The following LDLRAD4 variants were observed in gnomAD, a reference collection of about 807,000 sequenced individuals.
LDLRAD4 encodes low-density lipoprotein receptor class A domain-containing protein 4.
Under a neutral mutation model 17.0 loss-of-function variants are expected in LDLRAD4, and 5 were observed. That is an observed-to-expected ratio of 0.29 (90% CI 0.15 to 0.62). The LOEUF (loss-of-function observed/expected upper bound fraction) is 0.62. Among genes scored for constraint, LDLRAD4 ranks in the 20% least tolerant of loss-of-function variants. The pLI is 0.84. For synonymous variants in LDLRAD4, 168 were observed against 171.8 expected (o/e 0.98, Z 0.17); for missense variants, 340 against 424.7 (o/e 0.80, Z 1.75).
At chr18:13,436,003 C>T (rs1439798653) in intron 2 of LDLRAD4, among the ~76,000 whole-genome samples, 1 of 152,208 alleles carries the variant, frequency 6.6e-6, no homozygotes, top group Non-Finnish European at 1.5e-5. Context: ...AGAATAATAT[C>T]TGCTCTAATT....
At chr18:13,643,802 G>A (rs1361720261) in intron 5 of LDLRAD4, among the ~76,000 whole-genome samples, 2 of 152,160 alleles carry the variant, frequency 1.3e-5, no homozygotes, top group African/African-American at 4.8e-5. Context: ...AAAAATATTG[G>A]TGTGAGAGAA....
chr18:13,511,908 A>G (rs1309975393), intron 3 of LDLRAD4, among the ~76,000 whole-genome samples: 2 of 152,234 alleles, frequency 1.3e-5, no homozygotes. Flanking sequence ...CAAGAAATGT[A>G]TTTTTAGCGT....
At chr18:13,368,976 T>C (rs2084266958) in intron 1 of LDLRAD4, among the ~76,000 whole-genome samples, 1 of 152,164 alleles carries the variant, frequency 6.6e-6, no homozygotes, top group South Asian at 2.1e-4. Flanking sequence ...AGTGCTGGGA[T>C]TACAGGTGTG....
At chr18:13,607,765 G>A (rs1022844434) in intron 3 of LDLRAD4, among the ~76,000 whole-genome samples, 4 of 152,184 alleles carry the variant, frequency 2.6e-5, no homozygotes, top group African/African-American at 9.7e-5. Flanking sequence ...TCTGTGCAAA[G>A]GACATGAACT....
intron 2 of LDLRAD4, among the ~76,000 whole-genome samples, chr18:13,428,695 G>A (rs1323665710): frequency 2.0e-5 from 3 of 152,110 alleles, no homozygotes; most frequent in Admixed American, 1.3e-4. Flanking sequence ...TTTCCAGTGG[G>A]TTTTGGAGGT....
chr18:13,539,620 T>G (rs770046893), intron 3 of LDLRAD4, among the ~76,000 whole-genome samples: 4 of 152,258 alleles, frequency 2.6e-5, no homozygotes, highest in Non-Finnish European at 5.9e-5. Flanking sequence ...ATATTTGTGC[T>G]TTCTTATTTG....
intron 1 of LDLRAD4, among the ~76,000 whole-genome samples, chr18:13,356,310 C>T (rs938011538): frequency 3.3e-5 from 5 of 152,218 alleles, no homozygotes; most frequent in African/African-American, 1.2e-4. Flanking sequence ...CAGCAGGCGC[C>T]CGCAGCTCTT....
intron 4 of LDLRAD4, among the ~76,000 whole-genome samples, chr18:13,639,681 C>T (rs1012393722): frequency 7.9e-5 from 12 of 152,164 alleles, no homozygotes; most frequent in African/African-American, 2.7e-4. Context: ...CAAGCTCTTC[C>T]ACCACAGCAT....
At chr18:13,232,961 A>G (rs1170564038) in intron 1 of LDLRAD4, among the ~76,000 whole-genome samples, 3 of 152,218 alleles carry the variant, frequency 2.0e-5, no homozygotes, top group African/African-American at 7.2e-5. Flanking sequence ...CAGCGTCCTC[A>G]TGACCAAGGC....
At chr18:13,246,612 G>A (rs952427797) in intron 1 of LDLRAD4, among the ~76,000 whole-genome samples, 5 of 152,200 alleles carry the variant, frequency 3.3e-5, no homozygotes, top group Admixed American at 2.0e-4. Context: ...GGCTGCAGTC[G>A]GTATTGGAGT....
At chr18:13,501,304 C>T (rs995550297) in intron 3 of LDLRAD4, 1 of 152,200 alleles carries the variant, frequency 6.6e-6, no homozygotes, top group African/African-American at 2.4e-5. Flanking sequence ...TGGTCTCCTG[C>T]AGTAGAAATA....
At chr18:13,506,811 G>A (rs1013097532) in intron 3 of LDLRAD4, among the ~76,000 whole-genome samples, 2 of 152,228 alleles carry the variant, frequency 1.3e-5, no homozygotes, top group East Asian at 3.8e-4. Flanking sequence ...GTTGCCAACA[G>A]ACTTTGAGAG....
intron 1 of LDLRAD4, among the ~76,000 whole-genome samples, chr18:13,332,186 A>C (rs1228480139): frequency 3.9e-5 from 6 of 152,272 alleles, no homozygotes; most frequent in African/African-American, 1.4e-4. Context: ...TTCAGAATTT[A>C]AAATTTATTT....
At position 13,367,400 on chromosome 18, in the gene LDLRAD4, A is replaced by G. The variant is rs2084136366; in HGVS notation, c.-382-19941A>G. ...GGACTGGCAGGCAGGAAAGGGGGCG[A>G]GGGGGTCTCAGGCATTGAACTGCGT... On this transcript the variant is annotated intron_variant, in intron 1 of 5. Transcript: ENST00000359446. The surrounding 1 kb of genome is among the most constrained non-coding windows in gnomAD (Gnocchi z 4.1). Among the ~76,000 whole-genome samples, 1 of 151,826 alleles carries G rather than the reference A, an allele frequency of 6.6e-6. No individual in the cohort carries two copies. The highest frequency in any genetic ancestry group is 2.4e-5 in the African/African-American group (1 of 41,314).
intron 3 of LDLRAD4, among the ~76,000 whole-genome samples, chr18:13,466,840 G>A (rs1313902071): frequency 2.0e-5 from 3 of 152,150 alleles, no homozygotes; most frequent in Non-Finnish European, 4.4e-5. Flanking sequence ...ATCTTCACAT[G>A]GTGGAAGGGG....
chr18:13,237,024 C>T (rs2042372122), intron 1 of LDLRAD4, among the ~76,000 whole-genome samples: 1 of 152,204 alleles, frequency 6.6e-6, no homozygotes, highest in African/African-American at 2.4e-5. Context: ...AACACAGTGA[C>T]TTAAGAAGCA....
chr18:13,288,666 G>A (rs2045780712), intron 1 of LDLRAD4, among the ~76,000 whole-genome samples: 1 of 151,442 alleles, frequency 6.6e-6, no homozygotes, highest in Non-Finnish European at 1.5e-5. Flanking sequence ...GGCCACGGTA[G>A]CAGCCCCACA....
intron 2 of LDLRAD4, among the ~76,000 whole-genome samples, chr18:13,410,734 T>G (rs1314664953): frequency 1.3e-5 from 2 of 152,210 alleles, no homozygotes; most frequent in Non-Finnish European, 2.9e-5. Flanking sequence ...TCAGGTTAGA[T>G]GCTGGCAGGA....
At chr18:13,530,660 G>A (rs148300064) in intron 3 of LDLRAD4, among the ~76,000 whole-genome samples, 120 of 152,346 alleles carry the variant, frequency 7.9e-4, no homozygotes, top group African/African-American at 2.7e-3. Context: ...GAGTGCTCTC[G>A]TGCCCTGGCA....
Sources: allele counts gnomAD v4.1 joint callset (sites outside exome capture counted in the v4.1 genomes callset), GRCh38; gene constraint gnomAD v4.1.1; non-coding constraint Gnocchi (gnomAD v3.1); transcripts MANE v1.5; gene names NCBI Gene and HGNC (gene_info 2026-07-23, HGNC 2026-07-21).